Variants in LSM14B observed in about 807,000 individuals in gnomAD.
LSM14B encodes the protein LSM family member 14B.
A neutral mutation model predicts 42.1 loss-of-function variants in LSM14B; 8 were observed. The ratio of observed to expected loss-of-function variants is 0.19; its 90% CI spans 0.11 to 0.34. The LOEUF is 0.34. LSM14B is among the 10% of genes least tolerant of loss of function. LSM14B has a pLI of 1.00. For synonymous variants in LSM14B, 219 were observed against 209.7 expected, an observed-to-expected ratio of 1.04 and a Z score of -0.38; for missense variants, 396 against 513.1, an observed-to-expected ratio of 0.77 and a Z score of 2.21.
chr20:62,123,895 A>T (rs1453525671), intron 1 of LSM14B, among the ~76,000 whole-genome samples: 1 of 152,196 alleles, frequency 6.6e-6, no homozygotes, highest in Non-Finnish European at 1.5e-5. Flanking sequence ...CACTTATTAC[A>T]GGAGAGCCCA....
Position 62,130,904 on chromosome 20 carries a change from C to G in LSM14B, c.835+213C>G, listed in dbSNP as rs1379079158. On this transcript the variant is annotated intron_variant, in intron 6 of 8. Coordinates refer to ENST00000279068, the MANE Select transcript of LSM14B (RefSeq NM_144703.3). This position sits in a 1 kb window ranked among gnomAD's most constrained non-coding sequence, Gnocchi z 4.1. Reference sequence around the variant, plus strand: ...ACTAAAAATCCAAAAATTAGCCAGGCGTGGTGGTGGGCGCCTGTAATCCCA... The same window carrying G: ...ACTAAAAATCCAAAAATTAGCCAGGGGTGGTGGTGGGCGCCTGTAATCCCA... Among the ~76,000 whole-genome samples, 1 of 152,034 alleles carries G rather than the reference C, an allele frequency of 6.6e-6. No homozygotes were observed. The highest frequency in any genetic ancestry group is 2.4e-5 in the African/African-American group (1 of 41,388).
chr20:62,122,878 C>G lies in LSM14B; in HGVS notation c.127+85C>G. The G allele has an allele frequency of 8.4e-7, 1 of 1,194,840 alleles. No individual in the cohort carries two copies. The highest frequency in any genetic ancestry group is 1.1e-6 in the Non-Finnish European group (1 of 944,180). 74.0% of individuals were successfully genotyped at this position (1,194,840 alleles called of 1,614,324 possible). A position where few individuals can be genotyped will look rare whatever the true frequency, so the allele number is the denominator to read the frequency against. The stretch of plus-strand genomic sequence containing the variant: ...GGTGCCCTCCCCGCCCCGGGGCGCC[C>G]CGGAGCCTGGCGCCCAGACCCCGCC... On this transcript the variant is annotated intron_variant, in intron 1 of 8. Transcript: ENST00000279068. This position sits in a 1 kb window ranked among gnomAD's most constrained non-coding sequence, Gnocchi z 4.6.
chr20:62,135,001 A>T lies in LSM14B; in HGVS notation c.*853A>T, dbSNP rs1239676179. On this transcript the variant is annotated 3_prime_UTR_variant, in exon 9 of 9. Transcript: ENST00000279068. ...TGGCGTTCTCATCCACTTGGAAACA[A>T]GCCAGTCTTTTCTGCAAGGTCAGTT... 1 of 152,234 alleles carries T rather than the reference A, an allele frequency of 6.6e-6. No homozygotes were observed. The highest frequency in any genetic ancestry group is 1.5e-5 in the Non-Finnish European group (1 of 68,056). The allele number at this position is 152,234 out of a possible 1,614,324, so 9.4% of individuals were successfully genotyped here.
chr20:62,124,669 AGAG>A lies in LSM14B; in HGVS notation c.184_186del (p.Glu62del). ...CCACAGATAGGCCTGCGCCCCCCAGAGAGGAGATTTATGAGTACATCATTTTCC... is the reference window on the plus strand; with the variant it reads ...CCACAGATAGGCCTGCGCCCCCCAGAGAGATTTATGAGTACATCATTTTCC... On this transcript the variant is annotated inframe_deletion, in exon 2 of 9. Coordinates refer to ENST00000279068, the MANE Select transcript of LSM14B (RefSeq NM_144703.3). 6.2e-7 allele frequency: 1 copy of A among 1,613,938 alleles called. No homozygotes were observed. The highest frequency in any genetic ancestry group is 8.5e-7 in the Non-Finnish European group (1 of 1,179,884).
At chr20:62,131,263 G>T in intron 6 of LSM14B, 93 bp from the exon 7 acceptor site, 3 of 1,397,452 alleles carry the variant, frequency 2.1e-6, no homozygotes, top group Non-Finnish European at 2.9e-6. Flanking sequence ...TAGCTTGAGG[G>T]TGGCTTCCGA....
At position 62,133,478 on chromosome 20, in the gene LSM14B, G is replaced by C. The variant is rs1284090864; in HGVS notation, c.*14+3G>C. The C allele has an allele frequency of 6.2e-7, 1 of 1,608,508 alleles. No homozygotes were observed. The highest frequency in any genetic ancestry group is 1.1e-5 in the South Asian group (1 of 90,950). On this transcript the variant is annotated splice_donor_region_variant and intron_variant, in intron 8 of 8. Coordinates refer to ENST00000279068, the MANE Select transcript of LSM14B (RefSeq NM_144703.3). ...AGGGTGTGAGGGTGCAGCCAAAGGT[G>C]AGTGGATGAACCTTCTGGACGCTTT...
Position 62,130,164 on chromosome 20 carries a change from T to G in LSM14B, c.596-55T>G. 2 of 1,550,392 alleles carry G rather than the reference T, an allele frequency of 1.3e-6. No homozygotes were observed. Among genetic ancestry groups the G allele is most frequent in the Non-Finnish European group, 1.7e-6 (2 of 1,146,124 alleles). On this transcript the variant is annotated intron_variant, in intron 4 of 8. Transcript: ENST00000279068. This position sits in a 1 kb window ranked among gnomAD's most constrained non-coding sequence, Gnocchi z 4.1. ...GTGGGGCCTGCTTCCACAGCTGGGT[T>G]CTGGCTTCCGGCTGCTATAGGAGCT...
chr20:62,125,510 A>G (rs1228661066), intron 2 of LSM14B, among the ~76,000 whole-genome samples: 1 of 152,258 alleles, frequency 6.6e-6, no homozygotes, highest in African/African-American at 2.4e-5. Context: ...CCCAGTCGTT[A>G]CATGCTGCTG....
Position 62,133,414 on chromosome 20 carries a change from AC to A in LSM14B, c.1114del (p.Arg372ValfsTer23). 6.2e-7 allele frequency: 1 copy of A among 1,613,064 alleles called. No individual in the cohort carries two copies. Among genetic ancestry groups the A allele is most frequent in the Non-Finnish European group, 8.5e-7 (1 of 1,179,568 alleles). ...GFRGGRGNGT[T>X]RRNPTSHRAG... Reference sequence around the variant, plus strand: ...CCGAGGAGGCAGGGGCAATGGGACCACCCGTCGCAACCCCACTTCCCACAGG... The same window carrying A: ...CCGAGGAGGCAGGGGCAATGGGACCACCGTCGCAACCCCACTTCCCACAGG... On this transcript the variant is annotated frameshift_variant, in exon 8 of 9. Coordinates refer to ENST00000279068, the MANE Select transcript of LSM14B (RefSeq NM_144703.3). LOFTEE classifies it high-confidence loss of function.
Position 62,133,381 on chromosome 20 carries a change from G to C in LSM14B, c.1078G>C (p.Gly360Arg), listed in dbSNP as rs886659395. Residue 360 changes from glycine to arginine, a missense_variant, in exon 8 of 9, where the codon GGC becomes CGC. Gly to Arg is a moderately radical substitution (Grantham distance 125, BLOSUM62 -2). This residue lies in a region of LSM14B where 118 missense variants were observed against 156.4 expected (regional missense o/e 0.75). Transcript: ENST00000279068. ...GRFLRGRSSR[G>R]GFRGGRGNGT... ...GTTTCTTCGTGGCCGCAGTTCTCGG[G>C]GCGGATTCCGAGGAGGCAGGGGCAA... is the stretch of plus-strand genomic sequence containing the variant. 6.2e-6 allele frequency: 10 copies of C among 1,613,382 alleles called. No homozygotes were observed. The highest frequency in any genetic ancestry group is 8.5e-6 in the Non-Finnish European group (10 of 1,179,640).
rs1242307035 is a variant in LSM14B at position 62,130,216 on chromosome 20, T to C, written c.596-3T>C. On this transcript the variant is annotated splice_region_variant and splice_polypyrimidine_tract_variant and intron_variant, in intron 4 of 8. Coordinates refer to ENST00000279068, the MANE Select transcript of LSM14B (RefSeq NM_144703.3). The surrounding 1 kb of genome is among the most constrained non-coding windows in gnomAD (Gnocchi z 4.1). The stretch of plus-strand genomic sequence containing the variant: ...TGCCTTACTCTTCCCTTTTGCGCCG[T>C]AGATGTAGTCCAGCCGGCAGCTGTG... The C allele has an allele frequency of 1.3e-6, 2 of 1,597,492 alleles. No homozygotes were observed. Among genetic ancestry groups the C allele is most frequent in the Admixed American group, 3.5e-5 (2 of 57,674 alleles).
In LSM14B at chr20:62,126,409, A is replaced by G; in HGVS notation, c.397A>G (p.Ser133Gly). 6.2e-7 allele frequency: 1 copy of G among 1,610,968 alleles called. No homozygotes were observed. Residue 133 changes from serine to glycine, a missense_variant, in exon 3 of 9, where the codon AGC (serine) becomes GGC (glycine). Physicochemically the swap from Ser to Gly is moderately conservative, Grantham distance 56 (BLOSUM62 0). This residue lies in a region of LSM14B where 274 missense variants were observed against 335.8 expected (regional missense o/e 0.82). Transcript: ENST00000279068. ...CCCGCTGGCGGCCAGCTCCCTGCTC[A>G]GCCAGCAGTATGCCGCCTCCCTGGG... is the stretch of plus-strand genomic sequence containing the variant. ...YGPLAASSLL[S>G]QQYAASLGLG...
intron 2 of LSM14B, 147 bp from the exon 3 acceptor site, chr20:62,126,157 A>C: frequency 8.8e-7 from 1 of 1,132,358 alleles, no homozygotes. Flanking sequence ...CCATACTGGA[A>C]ACTTGCACCC....
chr20:62,124,211 T>C (rs2056514154), intron 1 of LSM14B, among the ~76,000 whole-genome samples: 1 of 152,248 alleles, frequency 6.6e-6, no homozygotes, highest in Non-Finnish European at 1.5e-5. Context: ...GAAAACTGCC[T>C]CCTCAGGCGC....
At chr20:62,131,528 G>T in intron 7 of LSM14B, 22 bp downstream of exon 7, 1 of 1,609,968 alleles carries the variant, frequency 6.2e-7, no homozygotes, top group South Asian at 1.1e-5. Flanking sequence ...AATGAATGAG[G>T]GGAGGACAGT....
Position 62,130,537 on chromosome 20 carries a change from G to A in LSM14B, c.681G>A (p.Arg227=). 1 of 1,613,726 alleles carries A rather than the reference G, an allele frequency of 6.2e-7. No homozygotes were observed. Among genetic ancestry groups the A allele is most frequent in the South Asian group, 1.1e-5 (1 of 91,040 alleles). ...TGTCCTTTGTCCTCACAGGAAACAG[G>A]CGAACAAGGAATCGCTCCAGAGGGC... ...RRPQRRRSGN[R]RTRNRSRGQN... is the part of the protein sequence containing the mutation. The change falls in exon 6 of 9, where the codon AGG becomes AGA. Residue 227 remains arginine (R), a synonymous_variant. Transcript: ENST00000279068. The surrounding 1 kb of genome is among the most constrained non-coding windows in gnomAD (Gnocchi z 4.1).
chr20:62,125,709 A>C (rs2056575716), intron 2 of LSM14B, among the ~76,000 whole-genome samples: 1 of 152,338 alleles, frequency 6.6e-6, no homozygotes, highest in South Asian at 2.1e-4. Flanking sequence ...GGAAGGTGGG[A>C]TCACACAGGG....
intron 3 of LSM14B, among the ~76,000 whole-genome samples, chr20:62,129,219 A>C (rs1214294212): frequency 6.6e-6 from 1 of 152,212 alleles, no homozygotes; most frequent in African/African-American, 2.4e-5. Context: ...ACGTCTCGGA[A>C]GTCAGCTCCT....
Position 62,134,179 on chromosome 20 carries a change from C to T in LSM14B, c.*31C>T, listed in dbSNP as rs1477584692. The T allele has an allele frequency of 8.5e-6, 4 of 468,408 alleles. No homozygotes were observed. Among genetic ancestry groups the T allele is most frequent in the African/African-American group, 4.0e-5 (2 of 50,060 alleles). The allele number at this position is 468,408 out of a possible 1,614,324, so 29.0% of individuals were successfully genotyped here. On this transcript the variant is annotated 3_prime_UTR_variant, in exon 9 of 9. Transcript: ENST00000279068. ...CTCTTGCAGGCTCCTACTGAAGTGGCGCATAACTGACGCTGTGTGTGTCAG... is the reference window on the plus strand; with the variant it reads ...CTCTTGCAGGCTCCTACTGAAGTGGTGCATAACTGACGCTGTGTGTGTCAG...
Sources: allele counts gnomAD v4.1 joint callset (sites outside exome capture counted in the v4.1 genomes callset), GRCh38; gene constraint gnomAD v4.1.1; regional missense constraint gnomAD v4.1.1; non-coding constraint Gnocchi (gnomAD v3.1); transcripts MANE v1.5; gene names NCBI Gene and HGNC (gene_info 2026-07-23, HGNC 2026-07-21).